The following DPP10 variants were observed in gnomAD, a reference collection of about 807,000 sequenced individuals.
DPP10 encodes dipeptidyl peptidase like 10.
In DPP10, 33 loss-of-function variants were observed where a neutral mutation model predicts 120.9. That is an observed-to-expected ratio of 0.27 (90% CI 0.21 to 0.37). The LOEUF is 0.37. DPP10 is among the 10% of genes least tolerant of loss of function. DPP10 has a pLI of 1.00. For synonymous variants in DPP10, 337 were observed against 326.1 expected (o/e 1.03, Z -0.36); for missense variants, 816 against 942.8 (o/e 0.87, Z 1.76).
In DPP10 at chr2:115,621,160, C is replaced by T. The variant is rs747741842; in HGVS notation, c.442-68527C>T. 2.8e-4 allele frequency among the ~76,000 whole-genome samples: 43 copies of T among 152,270 alleles called. 1 individual carries two copies. Among genetic ancestry groups the T allele is most frequent in the Middle Eastern group, 6.8e-3 (2 of 294 alleles). On this transcript the variant is annotated intron_variant, in intron 5 of 25. Transcript: ENST00000410059. ...CATGCAGAGAATTGTAGTTCTTGAG[C>T]ATCTCTTCTTGAATTAGAGCATAAC...
chr2:114,491,515 C>T (rs1452636786), intron 1 of DPP10, among the ~76,000 whole-genome samples: 1 of 152,128 alleles, frequency 6.6e-6, no homozygotes, highest in Non-Finnish European at 1.5e-5. Context: ...GCTCAACAGC[C>T]CAACTTGACC....
intron 3 of DPP10, among the ~76,000 whole-genome samples, chr2:115,485,106 T>C (rs1316202950): frequency 6.6e-6 from 1 of 151,996 alleles, no homozygotes; most frequent in East Asian, 1.9e-4. Flanking sequence ...ACTTGTATAA[T>C]AGCTGTTTAC....
At chr2:114,722,481 T>A (rs1181678091) in intron 1 of DPP10, among the ~76,000 whole-genome samples, 1 of 151,984 alleles carries the variant, frequency 6.6e-6, no homozygotes, top group Non-Finnish European at 1.5e-5. Flanking sequence ...ACTCAGATCT[T>A]AAAACAGCTA....
intron 3 of DPP10, among the ~76,000 whole-genome samples, chr2:115,432,124 C>T (rs1026320429): frequency 2.6e-4 from 40 of 152,112 alleles, no homozygotes; most frequent in African/African-American, 9.2e-4. Flanking sequence ...ATATAGTTAA[C>T]ATTTGTTTTC....
intron 17 of DPP10, among the ~76,000 whole-genome samples, chr2:115,786,513 T>TA (rs550488693): frequency 1.1e-3 from 158 of 150,132 alleles, no homozygotes; most frequent in African/African-American, 3.1e-3. Flanking sequence ...TTAATAATAA[T>TA]AAAAAAAAAG....
chr2:114,625,768 C>T (rs1231765780), intron 1 of DPP10, among the ~76,000 whole-genome samples: 1 of 151,958 alleles, frequency 6.6e-6, no homozygotes, highest in Non-Finnish European at 1.5e-5. Flanking sequence ...CAGGTAGGCT[C>T]TTGAATACTT....
chr2:115,201,044 C>T (rs1045842007), intron 1 of DPP10, among the ~76,000 whole-genome samples: 1 of 152,148 alleles, frequency 6.6e-6, no homozygotes, highest in Non-Finnish European at 1.5e-5. Flanking sequence ...GGATCATCCT[C>T]CTAATCCTAT....
chr2:115,053,940 A>G (rs918347877), intron 1 of DPP10, among the ~76,000 whole-genome samples: 1 of 152,214 alleles, frequency 6.6e-6, no homozygotes, highest in Non-Finnish European at 1.5e-5. Context: ...ATCAATAAGT[A>G]GTTGTTTAAT....
chr2:115,375,964 T>C (rs2065762659), intron 3 of DPP10, among the ~76,000 whole-genome samples: 1 of 152,178 alleles, frequency 6.6e-6, no homozygotes, highest in African/African-American at 2.4e-5. Context: ...AACCAAACCA[T>C]GTCACTAGTA....
intron 1 of DPP10, among the ~76,000 whole-genome samples, chr2:115,038,712 A>C (rs1704414388): frequency 6.6e-6 from 1 of 152,190 alleles, no homozygotes; most frequent in Non-Finnish European, 1.5e-5. Flanking sequence ...AAGTTACTGC[A>C]TTTAACTGTC....
chr2:115,536,586 G>T (rs2078859260), intron 5 of DPP10, among the ~76,000 whole-genome samples: 1 of 151,918 alleles, frequency 6.6e-6, no homozygotes, highest in Non-Finnish European at 1.5e-5. Flanking sequence ...ATGCCCACTA[G>T]AAAGCAAAGT....
chr2:114,745,534 A>G (rs1678499796), intron 1 of DPP10, among the ~76,000 whole-genome samples: 2 of 152,230 alleles, frequency 1.3e-5, no homozygotes, highest in South Asian at 2.1e-4. Flanking sequence ...AATACATGGT[A>G]TGATGGCTGC....
At chr2:114,755,931 A>C (rs942332743) in intron 1 of DPP10, among the ~76,000 whole-genome samples, 1 of 149,418 alleles carries the variant, frequency 6.7e-6, no homozygotes. Context: ...AAATAGTCTG[A>C]GACAGTGCTA....
chr2:114,554,906 T>C (rs971894654), intron 1 of DPP10, among the ~76,000 whole-genome samples: 9 of 152,094 alleles, frequency 5.9e-5, no homozygotes, highest in Non-Finnish European at 1.5e-5. Flanking sequence ...GACTCAAAGA[T>C]ATACAGGTTA....
In DPP10 at chr2:115,842,299, A is replaced by G. The variant is rs2150141836; in HGVS notation, c.2345A>G (p.Lys782Arg). The G allele has an allele frequency of 6.2e-7, 1 of 1,614,068 alleles. No homozygotes were observed. The highest frequency in any genetic ancestry group is 2.2e-5 in the East Asian group (1 of 44,862). ...TILKFFSDCL[K>R]EEISVLPQEP... ...CTCAAATTCTTCAGTGATTGTTTGA[A>G]GGAAGAAATATCTGTGCTACCACAG... The change falls in exon 26 of 26, where the codon AAG becomes AGG. Residue 782 changes from lysine (K) to arginine (R), a missense_variant. By Grantham distance (26) the Lys-to-Arg change is conservative. Transcript: ENST00000410059.
At chr2:115,557,315 T>G (rs148737913) in intron 5 of DPP10, among the ~76,000 whole-genome samples, 1 of 152,210 alleles carries the variant, frequency 6.6e-6, no homozygotes, top group African/African-American at 2.4e-5. Flanking sequence ...AAAAACATGA[T>G]GAGAAAATTG....
At chr2:114,902,978 C>T (rs1693698226) in intron 1 of DPP10, among the ~76,000 whole-genome samples, 1 of 152,148 alleles carries the variant, frequency 6.6e-6, no homozygotes, top group Non-Finnish European at 1.5e-5. Flanking sequence ...CCCTCATTCC[C>T]AGAAACCACT....
intron 5 of DPP10, among the ~76,000 whole-genome samples, chr2:115,658,379 C>T (rs1397729158): frequency 5.3e-5 from 8 of 151,846 alleles, no homozygotes; most frequent in Non-Finnish European, 5.9e-5. Context: ...TTTAGGTCAA[C>T]TTGACAACCC....
chr2:114,768,029 G>A (rs547749069), intron 1 of DPP10, among the ~76,000 whole-genome samples: 1 of 151,176 alleles, frequency 6.6e-6, no homozygotes, highest in Non-Finnish European at 1.5e-5. Context: ...TTGGGAGGCT[G>A]AAGCACAGGA....
Sources: allele counts gnomAD v4.1 joint callset (sites outside exome capture counted in the v4.1 genomes callset), GRCh38; gene constraint gnomAD v4.1.1; transcripts MANE v1.5; gene names NCBI Gene and HGNC (gene_info 2026-07-23, HGNC 2026-07-21).